Variants in ZC3H3 observed in about 807,000 individuals in gnomAD.
The protein encoded by ZC3H3 is zinc finger CCCH-type containing 3, also known as zinc finger CCCH domain-containing protein 3.
Under a neutral mutation model 77.3 loss-of-function variants are expected in ZC3H3, and 36 were observed. The ratio of observed to expected loss-of-function variants is 0.47; its 90% confidence interval spans 0.36 to 0.61. The LOEUF is 0.61. ZC3H3 is among the 20% of genes least tolerant of loss of function. ZC3H3 has a pLI of 0.00. For missense variants in ZC3H3, 1,331 were observed against 1,312.2 expected (o/e 1.01, Z -0.22); for synonymous variants, 626 against 555.2 (o/e 1.13, Z -1.79).
chr8:143,507,344 G>A (rs926322529), intron 4 of ZC3H3, among the ~76,000 whole-genome samples: 1 of 152,244 alleles, frequency 6.6e-6, no homozygotes, highest in African/African-American at 2.4e-5. Context: ...ACAGCTTCCA[G>A]ACAGACCACT....
At chr8:143,539,425 A>C in intron 1 of ZC3H3, 105 bp from the exon 2 acceptor site, 2 of 1,190,704 alleles carry the variant, frequency 1.7e-6, no homozygotes, top group Non-Finnish European at 2.3e-6. Context: ...ATCCCATCTC[A>C]CTTCTGAGCC....
chr8:143,470,585 TCTCTCGCCCAGG>T (rs1820536643), intron 5 of ZC3H3, among the ~76,000 whole-genome samples: 2 of 152,104 alleles, frequency 1.3e-5, no homozygotes, highest in South Asian at 4.1e-4. Flanking sequence ...TGGTTCCCAG[TCTCTCGCCCAGG>T]CTGCCAGTGA....
At chr8:143,507,152 T>C (rs573181896) in intron 4 of ZC3H3, among the ~76,000 whole-genome samples, 81 of 152,228 alleles carry the variant, frequency 5.3e-4, no homozygotes, top group Admixed American at 3.7e-3. Context: ...CAACCTTGAC[T>C]GAGCAGGTGG....
intron 10 of ZC3H3, among the ~76,000 whole-genome samples, chr8:143,440,705 C>A (rs1819717698): frequency 6.6e-6 from 1 of 152,250 alleles, no homozygotes. Flanking sequence ...CTCTGTGAGG[C>A]CCCACCTTCC....
At chr8:143,527,414 A>G (rs73715661) in intron 3 of ZC3H3, among the ~76,000 whole-genome samples, 2,809 of 152,198 alleles carry the variant, frequency 0.018, 80 homozygotes, top group African/African-American at 0.064. Flanking sequence ...TGAGAACGCC[A>G]CCCTGCCTGC....
Position 143,440,213 on chromosome 8 carries a change from G to A in ZC3H3, c.2643C>T (p.Ser881=). The A allele has an allele frequency of 2.5e-6, 4 of 1,605,276 alleles. No homozygotes were observed. The highest frequency in any genetic ancestry group is 4.5e-5 in the East Asian group (2 of 44,482). Residue 881 remains serine (S), a synonymous_variant, in exon 11 of 12, where the codon TCC becomes TCT. Transcript: ENST00000262577. ...CCTCGTGGTCCAAGGAAGCGGGAGG[G>A]GATGAGGAGGAGGAGGAGGAGGAGG... ...KASSSSSSSS[S]PPASLDHEAP...
intron 9 of ZC3H3, among the ~76,000 whole-genome samples, chr8:143,452,482 G>A (rs537963641): frequency 8.5e-5 from 13 of 152,318 alleles, no homozygotes; most frequent in Admixed American, 6.5e-4. Context: ...AACAAGGGAG[G>A]CTCCAAGCTC....
chr8:143,465,802 T>C lies in ZC3H3; in HGVS notation c.2222A>G (p.Asn741Ser), dbSNP rs746500739. 2.2e-5 allele frequency: 35 copies of C among 1,613,516 alleles called. No homozygotes were observed. Among genetic ancestry groups the C allele is most frequent in the Admixed American group, 1.7e-5 (1 of 59,998 alleles). The change falls in exon 9 of 12, where the codon AAC becomes AGC. Residue 741 changes from asparagine to serine, a missense_variant. Physicochemically the swap from Asn to Ser is conservative, Grantham distance 46 (BLOSUM62 1). Around this residue, in one of 3 missense-constraint regions of ZC3H3, gnomAD observed 104 missense variants for 159.7 expected, o/e 0.65. Transcript: ENST00000262577. ...CACGTACACGTGGCTATAGGGACAGTTGCTGTTGCTGCAGATGCCCTTCAG... is the reference window on the plus strand; with the variant it reads ...CACGTACACGTGGCTATAGGGACAGCTGCTGTTGCTGCAGATGCCCTTCAG... ...YFLKGICSNSNCPYSHVYVSR... is the reference protein window; with the variant it reads ...YFLKGICSNSSCPYSHVYVSR...
intron 4 of ZC3H3, among the ~76,000 whole-genome samples, chr8:143,490,808 C>T (rs59672514): frequency 0.097 from 14,764 of 152,110 alleles, 837 homozygotes; most frequent in Admixed American, 0.18. Flanking sequence ...CCAGCTACTC[C>T]GGAGGCTGAA....
intron 9 of ZC3H3, among the ~76,000 whole-genome samples, chr8:143,447,804 G>A (rs1366929097): frequency 6.6e-6 from 1 of 152,184 alleles, no homozygotes; most frequent in Non-Finnish European, 1.5e-5. Context: ...CCTACCACAA[G>A]AACAGGACTC....
intron 9 of ZC3H3, among the ~76,000 whole-genome samples, chr8:143,452,113 G>A (rs556200504): frequency 3.3e-5 from 5 of 152,348 alleles, no homozygotes; most frequent in East Asian, 1.9e-4. Context: ...CAGCCAACAC[G>A]CAAAACCACT....
intron 9 of ZC3H3, among the ~76,000 whole-genome samples, chr8:143,464,579 A>G (rs909602116): frequency 6.6e-6 from 1 of 152,134 alleles, no homozygotes; most frequent in African/African-American, 2.4e-5. Flanking sequence ...ACAGGACCCC[A>G]CAGGTGAACC....
chr8:143,499,348 T>A (rs1334053690), intron 4 of ZC3H3, among the ~76,000 whole-genome samples: 1 of 151,978 alleles, frequency 6.6e-6, no homozygotes, highest in Non-Finnish European at 1.5e-5. Flanking sequence ...GGGAAGGCAG[T>A]GGCAAGGGCT....
intron 4 of ZC3H3, chr8:143,484,941 G>A (rs754734791): frequency 2.2e-6 from 1 of 445,558 alleles, no homozygotes; most frequent in Non-Finnish European, 4.5e-6. Flanking sequence ...TGCAAGGACA[G>A]TGGTATCTGC....
At chr8:143,524,711 G>A (rs1248379204) in intron 3 of ZC3H3, among the ~76,000 whole-genome samples, 1 of 152,266 alleles carries the variant, frequency 6.6e-6, no homozygotes, top group African/African-American at 2.4e-5. Context: ...GAGCTGCGCT[G>A]CGCTGCACTG....
chr8:143,468,338 TG>T (rs753743157), intron 7 of ZC3H3, 43 bp downstream of exon 7: 1 of 1,611,588 alleles, frequency 6.2e-7, no homozygotes, highest in Non-Finnish European at 8.5e-7. Flanking sequence ...GGCAGGGCCC[TG>T]CACAGAACCT....
chr8:143,456,100 T>G (rs1290776853), intron 9 of ZC3H3, among the ~76,000 whole-genome samples: 1 of 151,378 alleles, frequency 6.6e-6, no homozygotes, highest in Admixed American at 6.6e-5. Flanking sequence ...CAGGTATCCA[T>G]GAGGGATCTT....
At chr8:143,537,778 C>G (rs1046138074) in intron 2 of ZC3H3, among the ~76,000 whole-genome samples, 29 of 152,362 alleles carry the variant, frequency 1.9e-4, no homozygotes, top group African/African-American at 5.8e-4. Flanking sequence ...GATGGGCTTG[C>G]CAGCAGTGTG....
intron 8 of ZC3H3, among the ~76,000 whole-genome samples, chr8:143,467,525 C>T (rs1233145481): frequency 2.0e-5 from 3 of 152,332 alleles, no homozygotes; most frequent in Non-Finnish European, 2.9e-5. Flanking sequence ...AAAGCTGTTG[C>T]GGCAGCAGCA....
Sources: gnomAD v4.1 joint callset for allele counts (sites outside exome capture counted in the v4.1 genomes callset) on GRCh38, gnomAD v4.1.1 for gene constraint, gnomAD v4.1.1 regional missense constraint, MANE v1.5 for transcripts, NCBI Gene and HGNC (gene_info 2026-07-23, HGNC 2026-07-21) for gene names.